FMNL2: variants seen among roughly 807,000 people sequenced by gnomAD.
FMNL2 encodes formin-like protein 2.
A neutral mutation model predicts 130.2 loss-of-function variants in FMNL2; 51 were observed. The observed-to-expected ratio is 0.39, with a 90% CI of 0.31 to 0.49. The LOEUF is 0.49. Among genes scored for constraint, FMNL2 ranks in the 20% least tolerant of loss-of-function variants. FMNL2 has a pLI of 0.85. For synonymous variants in FMNL2, 465 were observed against 467.1 expected (o/e 1.00, Z 0.06); for missense variants, 977 against 1,316.2 (o/e 0.74, Z 3.99).
chr2:152,637,708 C>T, intron 23 of FMNL2, 34 bp downstream of exon 23: 1 of 1,575,702 alleles, frequency 6.3e-7, no homozygotes, highest in Non-Finnish European at 8.7e-7. Context: ...CCTTATTTCT[C>T]AAGCAATTGC....
intron 11 of FMNL2, among the ~76,000 whole-genome samples, chr2:152,614,020 G>A (rs1035719129): frequency 6.6e-6 from 1 of 152,164 alleles, no homozygotes; most frequent in African/African-American, 2.4e-5. Flanking sequence ...ATGTGTGGAG[G>A]TTGGGCTCTA....
chr2:152,512,874 G>C lies in FMNL2; in HGVS notation c.118-9069G>C, dbSNP rs533335347. ...ACTATAGTCAGGAAAAGATGGAGGT[G>C]CATTAAAGTAGCAAATTTCAAGTGT... On this transcript the variant is annotated intron_variant, in intron 1 of 25. Coordinates refer to ENST00000288670, the MANE Select transcript of FMNL2 (RefSeq NM_052905.4). Among the ~76,000 whole-genome samples, 28 of 152,262 alleles carry C rather than the reference G, an allele frequency of 1.8e-4. 1 individual carries two copies. The South Asian group carries it at 5.4e-3, about 29-fold the overall frequency.
chr2:152,639,240 A>C (rs58977910), intron 23 of FMNL2, among the ~76,000 whole-genome samples: 2,500 of 152,344 alleles, frequency 0.016, 76 homozygotes, highest in African/African-American at 0.057. Flanking sequence ...AAACAAAAGC[A>C]ATGGAGACCC....
chr2:152,577,869 C>G (rs1696561882), intron 7 of FMNL2, among the ~76,000 whole-genome samples: 1 of 152,040 alleles, frequency 6.6e-6, no homozygotes, highest in African/African-American at 2.4e-5. Flanking sequence ...AGGAGTTTTG[C>G]TGTAAAGGAT....
At chr2:152,347,813 CTT>C (rs1682212916) in intron 1 of FMNL2, among the ~76,000 whole-genome samples, 3 of 152,192 alleles carry the variant, frequency 2.0e-5, no homozygotes, top group African/African-American at 7.2e-5. Context: ...GTTGGTCTCT[CTT>C]CTTTTCTCTG....
At chr2:152,356,002 T>G (rs894139883) in intron 1 of FMNL2, among the ~76,000 whole-genome samples, 1 of 152,226 alleles carries the variant, frequency 6.6e-6, no homozygotes, top group Non-Finnish European at 1.5e-5. Context: ...TCCTATGCAC[T>G]CTTGTTAAAA....
chr2:152,437,466 T>C (rs1013228570), intron 1 of FMNL2, among the ~76,000 whole-genome samples: 2 of 152,164 alleles, frequency 1.3e-5, no homozygotes. Context: ...AGAATAATAA[T>C]GCACCCCCCC....
At chr2:152,393,488 A>G (rs568471603) in intron 1 of FMNL2, among the ~76,000 whole-genome samples, 2 of 152,354 alleles carry the variant, frequency 1.3e-5, no homozygotes, top group East Asian at 3.9e-4. Flanking sequence ...GCATTCTAAA[A>G]GGGTAAAACA....
chr2:152,429,744 T>TG (rs1222148293), intron 1 of FMNL2, among the ~76,000 whole-genome samples: 1 of 152,210 alleles, frequency 6.6e-6, no homozygotes, highest in Non-Finnish European at 1.5e-5. Context: ...ATGTCTGAAT[T>TG]GACACAGTAT....
chr2:152,508,554 T>A (rs746351656), intron 1 of FMNL2, among the ~76,000 whole-genome samples: 1 of 152,208 alleles, frequency 6.6e-6, no homozygotes, highest in Non-Finnish European at 1.5e-5. Flanking sequence ...TCATGTGAGT[T>A]AGCTATGGTT....
At chr2:152,608,418 C>G (rs1698502767) in intron 10 of FMNL2, among the ~76,000 whole-genome samples, 1 of 143,086 alleles carries the variant, frequency 7.0e-6, no homozygotes, top group Non-Finnish European at 1.5e-5. Context: ...TTATATGCGT[C>G]TTAGCCCTCA....
Position 152,512,445 on chromosome 2 carries a change from G to T in FMNL2, c.118-9498G>T, listed in dbSNP as rs1370392973. On this transcript the variant is annotated intron_variant, in intron 1 of 25. Transcript: ENST00000288670. ...GATATGGGGAGTAGTAGGAAGATGG[G>T]CTGCGGGAGAGCTTGTCCTTGACTG... 2.0e-5 allele frequency among the ~76,000 whole-genome samples: 3 copies of T among 152,172 alleles called. No homozygotes were observed. In the East Asian group the frequency reaches 5.8e-4, roughly 29 times the overall value.
chr2:152,541,995 TG>T (rs1210428064), intron 2 of FMNL2, among the ~76,000 whole-genome samples: 2 of 152,210 alleles, frequency 1.3e-5, no homozygotes, highest in African/African-American at 4.8e-5. Flanking sequence ...TTTCAAAGTA[TG>T]GTTCCTCTTT....
intron 1 of FMNL2, among the ~76,000 whole-genome samples, chr2:152,356,289 A>G (rs10931062): frequency 0.088 from 13,411 of 151,978 alleles, 667 homozygotes; most frequent in African/African-American, 0.14. Flanking sequence ...CGCCTGGCTA[A>G]TGTTTTTGTA....
At chr2:152,640,348 C>A (rs1407643622) in intron 24 of FMNL2, among the ~76,000 whole-genome samples, 2 of 152,218 alleles carry the variant, frequency 1.3e-5, no homozygotes, top group Non-Finnish European at 2.9e-5. Context: ...GAGGGCTTAG[C>A]ATCCAGAGAA....
intron 1 of FMNL2, among the ~76,000 whole-genome samples, chr2:152,424,617 C>T (rs932529777): frequency 1.3e-5 from 2 of 152,022 alleles, no homozygotes; most frequent in Non-Finnish European, 2.9e-5. Flanking sequence ...TCTCGAACTC[C>T]TGACCTTGTG....
intron 1 of FMNL2, among the ~76,000 whole-genome samples, chr2:152,352,122 T>C (rs1033827898): frequency 3.3e-5 from 5 of 152,198 alleles, no homozygotes; most frequent in Non-Finnish European, 5.9e-5. Context: ...TGCTTGCCAG[T>C]AGGTTTACAC....
At chr2:152,459,487 T>C (rs1176658623) in intron 1 of FMNL2, among the ~76,000 whole-genome samples, 1 of 152,242 alleles carries the variant, frequency 6.6e-6, no homozygotes, top group Admixed American at 6.5e-5. Context: ...TGGGATCTTA[T>C]AGCATAAAAT....
At chr2:152,590,228 A>G (rs1580037557) in intron 9 of FMNL2, among the ~76,000 whole-genome samples, 1 of 151,706 alleles carries the variant, frequency 6.6e-6, no homozygotes, top group African/African-American at 2.4e-5. Flanking sequence ...AGTAAAAATA[A>G]AAATTATTGT....
Sources: gnomAD v4.1 joint callset for allele counts (sites outside exome capture counted in the v4.1 genomes callset) on GRCh38, gnomAD v4.1.1 for gene constraint, MANE v1.5 for transcripts, NCBI Gene and HGNC (gene_info 2026-07-23, HGNC 2026-07-21) for gene names.